Variants in PCDHGA2 observed in about 807,000 individuals in gnomAD.
PCDHGA2 encodes the protein protocadherin gamma subfamily A, 2, also known as protocadherin gamma-A2.
PCDHGA2 carries 40 observed loss-of-function variants against 59.2 expected under a neutral mutation model. That is an observed-to-expected ratio of 0.68 (90% confidence interval 0.52 to 0.88). The LOEUF (loss-of-function observed/expected upper bound fraction) is 0.88, where lower values mean the gene tolerates loss of function less well. PCDHGA2 is among the 40% of genes least tolerant of loss of function. The pLI is 0.00. For missense variants in PCDHGA2, 1,226 were observed against 1,204.0 expected (o/e 1.02, Z -0.27); for synonymous variants, 560 against 526.0 (o/e 1.06, Z -0.89).
chr5:141,419,389 G>C (rs551951411), intron 1 of PCDHGA2: 1 of 1,613,670 alleles, frequency 6.2e-7, no homozygotes, highest in South Asian at 1.1e-5. Context: ...TGAGCGCGCA[G>C]AGCGGGGTGG....
intron 1 of PCDHGA2, chr5:141,356,107 A>C: frequency 6.2e-7 from 1 of 1,613,872 alleles, no homozygotes; most frequent in Non-Finnish European, 8.5e-7. Flanking sequence ...GGATATAACA[A>C]TATTGGGGGG....
At chr5:141,366,497 C>G in intron 1 of PCDHGA2, 1 of 1,614,254 alleles carries the variant, frequency 6.2e-7, no homozygotes, top group South Asian at 1.1e-5. Context: ...GCACAAGTCA[C>G]GCCTGCTTCA....
rs566234229 is a variant in PCDHGA2, at chr5:141,351,445, G to C, written c.2424+10050G>C. ...CTTTCAAATTAGAATCCACCTCGAA[G>C]AATTATTACAAGCTGGTGATTGCTG... On this transcript the variant is annotated intron_variant, in intron 1 of 3. Coordinates refer to ENST00000394576, the MANE Select transcript of PCDHGA2 (RefSeq NM_018915.4). The C allele has an allele frequency of 1.4e-5, 23 of 1,612,940 alleles. No homozygotes were observed. The highest frequency in any genetic ancestry group is 1.9e-5 in the Non-Finnish European group (22 of 1,179,352).
At chr5:141,508,835 C>T (rs1190105775) in intron 3 of PCDHGA2, among the ~76,000 whole-genome samples, 12 of 152,158 alleles carry the variant, frequency 7.9e-5, no homozygotes, top group African/African-American at 2.9e-4. Flanking sequence ...CCCCCCTCCC[C>T]TACCCCTTCC....
intron 1 of PCDHGA2, among the ~76,000 whole-genome samples, chr5:141,349,399 C>T (rs1406274983): frequency 6.6e-6 from 1 of 152,056 alleles, no homozygotes; most frequent in East Asian, 1.9e-4. Context: ...AAAAAAGAAG[C>T]ACTGGTTTCA....
Position 141,476,658 on chromosome 5 carries a change from C to A in PCDHGA2, c.2425-18149C>A, listed in dbSNP as rs182518072. On this transcript the variant is annotated intron_variant, in intron 1 of 3. Transcript: ENST00000394576. The surrounding 1 kb of genome is among the most constrained non-coding windows in gnomAD (Gnocchi z 7.6). ...GAGCTGAGCCGAAATGAATACTTTGCGCTTCGCGTGCAGACGCGGGAGGAC... is the reference window on the plus strand; with the variant it reads ...GAGCTGAGCCGAAATGAATACTTTGAGCTTCGCGTGCAGACGCGGGAGGAC... 2 of 1,614,244 alleles carry A rather than the reference C, an allele frequency of 1.2e-6. No homozygotes were observed. The highest frequency in any genetic ancestry group is 2.2e-5 in the East Asian group (1 of 44,878).
At chr5:141,478,519 G>T (rs778194073) in intron 1 of PCDHGA2, 19 of 1,610,728 alleles carry the variant, frequency 1.2e-5, no homozygotes, top group Non-Finnish European at 1.6e-5. Flanking sequence ...GGCAGGTGTT[G>T]GGTGCAGAGA....
At chr5:141,496,768 A>G (rs997951321) in intron 2 of PCDHGA2, among the ~76,000 whole-genome samples, 10 of 152,260 alleles carry the variant, frequency 6.6e-5, no homozygotes, top group African/African-American at 2.4e-4. Context: ...TCGAGCATCT[A>G]CTATGAGCAG....
intron 1 of PCDHGA2, among the ~76,000 whole-genome samples, chr5:141,354,444 T>A (rs1759543565): frequency 6.6e-6 from 1 of 152,238 alleles, no homozygotes; most frequent in African/African-American, 2.4e-5. Context: ...AAACCTATTA[T>A]CCTATTTGTC....
intron 1 of PCDHGA2, among the ~76,000 whole-genome samples, chr5:141,448,180 G>C (rs961721974): frequency 1.3e-5 from 2 of 151,998 alleles, no homozygotes; most frequent in African/African-American, 2.4e-5. Flanking sequence ...TTCATCCCTG[G>C]TTATGTACAC....
intron 1 of PCDHGA2, among the ~76,000 whole-genome samples, chr5:141,492,949 A>G (rs1470301496): frequency 6.6e-6 from 1 of 152,226 alleles, no homozygotes; most frequent in African/African-American, 2.4e-5. Flanking sequence ...GGAGGTGACC[A>G]AACTATCTGA....
intron 1 of PCDHGA2, among the ~76,000 whole-genome samples, chr5:141,435,264 T>C (rs1442193276): frequency 5.3e-5 from 8 of 152,222 alleles, no homozygotes; most frequent in Non-Finnish European, 8.8e-5. Context: ...GATATGTCCA[T>C]TTATACTTTC....
chr5:141,511,713 C>T lies in PCDHGA2; in HGVS notation c.*540C>T. 5.4e-6 allele frequency: 1 copy of T among 186,446 alleles called. No individual in the cohort carries two copies. Among genetic ancestry groups the T allele is most frequent in the Admixed American group, 5.3e-5 (1 of 18,840 alleles). The allele number at this position is 186,446 out of a possible 1,614,324, so 11.5% of individuals were successfully genotyped here. ...TTGGTGCCAGCCCCTTCACCTCCTT[C>T]CAGAGCCCAAGATCAATGCTCAAGT... On this transcript the variant is annotated 3_prime_UTR_variant, in exon 4 of 4. Transcript: ENST00000394576.
At chr5:141,351,721 T>C (rs770021932) in intron 1 of PCDHGA2, 1 of 1,613,810 alleles carries the variant, frequency 6.2e-7, no homozygotes, top group East Asian at 2.2e-5. Flanking sequence ...CCTACTCTAT[T>C]CTGGCCAGTG....
At chr5:141,365,011 C>T (rs372758360) in intron 1 of PCDHGA2, 64 of 1,613,820 alleles carry the variant, frequency 4.0e-5, no homozygotes, top group African/African-American at 6.7e-5. Context: ...GCACCACGCA[C>T]ATCCGTGTTA....
rs70988800 is a variant in PCDHGA2, at chr5:141,379,889, C to CTTTTTTTTTTTTTTTTTTTTTTT, written c.2424+38502_2424+38524dup. Among the ~76,000 whole-genome samples the CTTTTTTTTTTTTTTTTTTTTTTT allele has an allele frequency of 1.4e-3, 69 of 50,828 alleles. 14 individuals are homozygous for CTTTTTTTTTTTTTTTTTTTTTTT. The highest frequency in any genetic ancestry group is 2.0e-3 in the Non-Finnish European group (53 of 25,880). 33.3% of individuals were successfully genotyped at this position (50,828 alleles called of 152,430 possible). Reference sequence around the variant, plus strand: ...CTTATTTTATGGTCTGTGAAAGCCTCTTTTTTTTTTTTTTTTTTTTTTTTT... The same window carrying CTTTTTTTTTTTTTTTTTTTTTTT: ...CTTATTTTATGGTCTGTGAAAGCCTCTTTTTTTTTTTTTTTTTTTTTTTTTTTTTTTTTTTTTTTTTTTTTTTT... On this transcript the variant is annotated intron_variant, in intron 1 of 3. Coordinates refer to ENST00000394576, the MANE Select transcript of PCDHGA2 (RefSeq NM_018915.4).
intron 1 of PCDHGA2, chr5:141,370,526 C>A: frequency 1.2e-6 from 2 of 1,613,860 alleles, no homozygotes; most frequent in Non-Finnish European, 8.5e-7. Flanking sequence ...TGGACAGGGG[C>A]TCGCTGGTAG....
At chr5:141,354,250 C>T (rs1389170911) in intron 1 of PCDHGA2, among the ~76,000 whole-genome samples, 1 of 152,000 alleles carries the variant, frequency 6.6e-6, no homozygotes, top group Non-Finnish European at 1.5e-5. Context: ...GTTATTTACC[C>T]ATTGTTTTAG....
chr5:141,476,230 G>A lies in PCDHGA2; in HGVS notation c.2425-18577G>A, dbSNP rs906283645. On this transcript the variant is annotated intron_variant, in intron 1 of 3. Coordinates refer to ENST00000394576, the MANE Select transcript of PCDHGA2 (RefSeq NM_018915.4). This position sits in a 1 kb window ranked among gnomAD's most constrained non-coding sequence, Gnocchi z 7.6. Reference sequence around the variant, plus strand: ...CCACGGTCATTCACTATGAGATCCCGGAGGAAAGAGAGAAGGGTTTCGCTG... The same window carrying A: ...CCACGGTCATTCACTATGAGATCCCAGAGGAAAGAGAGAAGGGTTTCGCTG... The A allele has an allele frequency of 1.2e-6, 2 of 1,614,040 alleles. No homozygotes were observed. Among genetic ancestry groups the A allele is most frequent in the Non-Finnish European group, 1.7e-6 (2 of 1,180,024 alleles).
Sources: allele counts gnomAD v4.1 joint callset (sites outside exome capture counted in the v4.1 genomes callset), GRCh38; gene constraint gnomAD v4.1.1; non-coding constraint Gnocchi (gnomAD v3.1); transcripts MANE v1.5; gene names NCBI Gene and HGNC (gene_info 2026-07-23, HGNC 2026-07-21).